ATP2A3: variants seen among roughly 807,000 people sequenced by gnomAD.
ATP2A3 encodes ATPase sarcoplasmic/endoplasmic reticulum Ca2+ transporting 3.
ATP2A3 carries 61 observed loss-of-function variants against 106.8 expected under a neutral mutation model. The ratio of observed to expected loss-of-function variants is 0.57; its 90% CI spans 0.46 to 0.71. ATP2A3 has a LOEUF of 0.71. ATP2A3 is among the 30% of genes least tolerant of loss of function. ATP2A3 has a pLI of 0.00. For synonymous variants in ATP2A3, 611 were observed against 609.3 expected, an observed-to-expected ratio of 1.00 and a Z score of -0.04; for missense variants, 1,201 against 1,423.5, an observed-to-expected ratio of 0.84 and a Z score of 2.52.
chr17:3,939,136 C>G (rs903210570), intron 14 of ATP2A3, among the ~76,000 whole-genome samples: 1 of 152,000 alleles, frequency 6.6e-6, no homozygotes, highest in African/African-American at 2.4e-5. Context: ...CACTGCATTC[C>G]AGCCTGGGCA....
chr17:3,950,739 G>A lies in ATP2A3; in HGVS notation c.498C>T (p.Ile166=), dbSNP rs549656516. The part of the protein sequence containing the change: ...GDKVPADLRL[I]EIKSTTLRVD... Reference sequence around the variant, plus strand: ...CTCGCAGCGTGGTGGACTTGATCTCGATGAGGCGGAGGTCAGCAGGCACTT... The same window carrying A: ...CTCGCAGCGTGGTGGACTTGATCTCAATGAGGCGGAGGTCAGCAGGCACTT... Residue 166 remains isoleucine (I), a synonymous_variant, in exon 6 of 21, where the codon ATC becomes ATT. Coordinates refer to ENST00000397041, the MANE Select transcript of ATP2A3 (RefSeq NM_005173.4). The A allele has an allele frequency of 4.5e-4, 720 of 1,613,846 alleles. 9 individuals carry two copies. The South Asian group carries it at 7.1e-3, about 16-fold the overall frequency.
chr17:3,926,943 TC>T lies in ATP2A3; in HGVS notation c.2981-1503del. On this transcript the variant is annotated intron_variant, in intron 20 of 20. Transcript: ENST00000397041. This position sits in a 1 kb window ranked among gnomAD's most constrained non-coding sequence, Gnocchi z 4.6. ...ACCGTGCTTACACTCCTCCCGTGCT[TC>T]CCCACTGCCCTGAGGACAATGTCCA... 1 of 985,438 alleles carries T rather than the reference TC, an allele frequency of 1.0e-6. No homozygotes were observed. Among genetic ancestry groups the T allele is most frequent in the Non-Finnish European group, 1.2e-6 (1 of 829,928 alleles). The allele number at this position is 985,438 out of a possible 1,614,324, so 61.0% of individuals were successfully genotyped here.
chr17:3,943,283 A>C (rs553799008), intron 11 of ATP2A3, 108 bp downstream of exon 11: 1,479 of 1,526,576 alleles, frequency 9.7e-4, no homozygotes, highest in Non-Finnish European at 1.2e-3. Context: ...AAAAAAAAAA[A>C]AAACAAAACG....
In ATP2A3 at chr17:3,935,325, T is replaced by C. The variant is rs1256938229; in HGVS notation, c.2525-48A>G. On this transcript the variant is annotated intron_variant, in intron 16 of 20. Transcript: ENST00000397041. The stretch of plus-strand genomic sequence containing the variant: ...GCTGTAGAGAATGGCGGTGGTTTTC[T>C]GGCGTCTGTTTCCCCTGCCTAATAA... 5 of 1,555,074 alleles carry C rather than the reference T, an allele frequency of 3.2e-6. No homozygotes were observed. The Admixed American group carries it at 5.0e-5, about 16-fold the overall frequency.
At chr17:3,956,016 G>T (rs1431169850) in intron 1 of ATP2A3, among the ~76,000 whole-genome samples, 4 of 152,062 alleles carry the variant, frequency 2.6e-5, no homozygotes, top group Admixed American at 2.6e-4. Flanking sequence ...CGGGTAGCTG[G>T]AATTACCGGT....
intron 1 of ATP2A3, among the ~76,000 whole-genome samples, chr17:3,954,789 A>G (rs1012285186): frequency 6.6e-6 from 1 of 152,148 alleles, no homozygotes; most frequent in African/African-American, 2.4e-5. Context: ...GCCACCGCCC[A>G]GGCCTAGGTG....
At chr17:3,927,260 G>A in intron 20 of ATP2A3, 1 of 985,488 alleles carries the variant, frequency 1.0e-6, no homozygotes, top group Non-Finnish European at 1.2e-6. Flanking sequence ...AAAGGCATCT[G>A]AGACACAGGC....
In ATP2A3 at chr17:3,929,251, G is replaced by T; in HGVS notation, c.2862+77C>A. On this transcript the variant is annotated intron_variant, in intron 19 of 20. Coordinates refer to ENST00000397041, the MANE Select transcript of ATP2A3 (RefSeq NM_005173.4). The surrounding 1 kb of genome is among the most constrained non-coding windows in gnomAD (Gnocchi z 4.3). The stretch of plus-strand genomic sequence containing the variant: ...TCCAGGTAGTTTCCATTGCAGGGGG[G>T]CCAGAGAGGTCCAGTGACCAGCCCA... 1 of 1,325,314 alleles carries T rather than the reference G, an allele frequency of 7.5e-7. No homozygotes were observed. Among genetic ancestry groups the T allele is most frequent in the Non-Finnish European group, 1.1e-6 (1 of 952,116 alleles). 82.1% of individuals were successfully genotyped at this position (1,325,314 alleles called of 1,614,324 possible).
rs2054555564 is a variant in ATP2A3 at position 3,953,212 on chromosome 17, G to A, written c.219+135C>T. On this transcript the variant is annotated intron_variant, in intron 3 of 20. Coordinates refer to ENST00000397041, the MANE Select transcript of ATP2A3 (RefSeq NM_005173.4). This position sits in a 1 kb window ranked among gnomAD's most constrained non-coding sequence, Gnocchi z 5.1. ...GGAAGCTGAAGTCTGAGCAGGGCAGGGCCAGGGAAGGCCAGGGCGCAGGCC... is the reference window on the plus strand; with the variant it reads ...GGAAGCTGAAGTCTGAGCAGGGCAGAGCCAGGGAAGGCCAGGGCGCAGGCC... The A allele has an allele frequency of 6.0e-6, 6 of 1,005,544 alleles. No homozygotes were observed. The highest frequency in any genetic ancestry group is 2.6e-5 in the South Asian group (2 of 77,572). 62.3% of individuals were successfully genotyped at this position (1,005,544 alleles called of 1,614,324 possible).
At position 3,955,881 on chromosome 17, in the gene ATP2A3, TA is replaced by T. The variant is rs2054743823; in HGVS notation, c.119-2172del. Among the ~76,000 whole-genome samples the T allele has an allele frequency of 1.4e-5, 2 of 144,888 alleles. No homozygotes were observed. Among genetic ancestry groups the T allele is most frequent in the African/African-American group, 5.0e-5 (2 of 39,646 alleles). ...AGTTCTCCTTTCTCTTATTTTATTTTATTTTATTTTTTTTTTTTGAGATGGA... is the reference window on the plus strand; with the variant it reads ...AGTTCTCCTTTCTCTTATTTTATTTTTTTTATTTTTTTTTTTTGAGATGGA... On this transcript the variant is annotated intron_variant, in intron 1 of 20. Transcript: ENST00000397041. The surrounding 1 kb of genome is among the most constrained non-coding windows in gnomAD (Gnocchi z 4.2).
Position 3,940,908 on chromosome 17 carries a change from C to T in ATP2A3, c.2100+63G>A, listed in dbSNP as rs560181416. The T allele has an allele frequency of 4.9e-4, 772 of 1,573,080 alleles. 9 individuals carry two copies. In the South Asian group the frequency reaches 8.1e-3, roughly 17 times the overall value. On this transcript the variant is annotated intron_variant, in intron 14 of 20. Transcript: ENST00000397041. ...GCAGAGGGGAGAGTTGCACGGCTTGCTCTTTTCACACCCCGTGGCCCCACT... is the reference window on the plus strand; with the variant it reads ...GCAGAGGGGAGAGTTGCACGGCTTGTTCTTTTCACACCCCGTGGCCCCACT...
chr17:3,964,401 C>A lies in ATP2A3; in HGVS notation c.-110G>T, dbSNP rs1256309498. The A allele has an allele frequency of 1.8e-5, 9 of 506,290 alleles. No individual in the cohort carries two copies. The highest frequency in any genetic ancestry group is 2.1e-5 in the Non-Finnish European group (8 of 377,346). The allele number at this position is 506,290 out of a possible 1,614,324, so 31.4% of individuals were successfully genotyped here. A position where few individuals can be genotyped will look rare whatever the true frequency, so the allele number is the denominator to read the frequency against. On this transcript the variant is annotated 5_prime_UTR_variant, in exon 1 of 21. Transcript: ENST00000397041. ...GGGCCCGGGCGGGCGCCGCGCGAGG[C>A]CATGTCCGTGCTGGGACCTTACCCG...
chr17:3,928,887 C>T lies in ATP2A3; in HGVS notation c.2863-107G>A, dbSNP rs1274015333. On this transcript the variant is annotated intron_variant, in intron 19 of 20. Transcript: ENST00000397041. The surrounding 1 kb of genome is among the most constrained non-coding windows in gnomAD (Gnocchi z 6.1). ...TGGGCTCTGATGGACTCTTCATGAG[C>T]GCTCCTAAGAACCCCCTGGATGCAC... The T allele has an allele frequency of 7.0e-6, 6 of 851,974 alleles. No homozygotes were observed. The highest frequency in any genetic ancestry group is 2.2e-4 in the Middle Eastern group (1 of 4,490). 52.8% of individuals were successfully genotyped at this position (851,974 alleles called of 1,614,324 possible).
In ATP2A3 at chr17:3,951,395, G is replaced by C; in HGVS notation, c.325-6C>G. The C allele has an allele frequency of 1.2e-6, 2 of 1,613,652 alleles. No homozygotes were observed. The highest frequency in any genetic ancestry group is 4.5e-5 in the East Asian group (2 of 44,858). On this transcript the variant is annotated splice_polypyrimidine_tract_variant and splice_region_variant and intron_variant, in intron 4 of 20. Coordinates refer to ENST00000397041, the MANE Select transcript of ATP2A3 (RefSeq NM_005173.4). Reference sequence around the variant, plus strand: ...GCACTCTCGGCGTTGCGTTCCTGCAGAATAGAAGGCCGGCAGGCAGTCTGT... The same window carrying C: ...GCACTCTCGGCGTTGCGTTCCTGCACAATAGAAGGCCGGCAGGCAGTCTGT...
intron 14 of ATP2A3, among the ~76,000 whole-genome samples, chr17:3,939,299 G>A (rs1023278729): frequency 6.6e-6 from 1 of 152,018 alleles, no homozygotes; most frequent in African/African-American, 2.4e-5. Context: ...ATCAAGGCTG[G>A]GCCATGGGTC....
In ATP2A3 at chr17:3,924,681, G is replaced by A. The variant is rs1013142357; in HGVS notation, c.*741C>T. On this transcript the variant is annotated 3_prime_UTR_variant, in exon 21 of 21. Coordinates refer to ENST00000397041, the MANE Select transcript of ATP2A3 (RefSeq NM_005173.4). The surrounding 1 kb of genome is among the most constrained non-coding windows in gnomAD (Gnocchi z 6.4). Reference sequence around the variant, plus strand: ...ACGGGGAACCCTGAGTCCAGGAGGCGCGCGGGGCTGAGGCAGTCCAGCCAG... The same window carrying A: ...ACGGGGAACCCTGAGTCCAGGAGGCACGCGGGGCTGAGGCAGTCCAGCCAG... 4.5e-5 allele frequency: 19 copies of A among 421,838 alleles called. 1 individual carries two copies. Among genetic ancestry groups the A allele is most frequent in the Non-Finnish European group, 7.7e-5 (16 of 208,988 alleles). 26.1% of individuals were successfully genotyped at this position (421,838 alleles called of 1,614,324 possible).
chr17:3,957,811 TGA>T, intron 1 of ATP2A3, among the ~76,000 whole-genome samples: 1 of 152,344 alleles, frequency 6.6e-6, no homozygotes, highest in African/African-American at 2.4e-5. Context: ...ATCTGTTAAA[TGA>T]GAGAGTGCCC....
chr17:3,961,135 T>C (rs1230722662), intron 1 of ATP2A3, among the ~76,000 whole-genome samples: 1 of 152,210 alleles, frequency 6.6e-6, no homozygotes, highest in African/African-American at 2.4e-5. Context: ...CAGCTCCAGA[T>C]GTGTATATGC....
chr17:3,951,416 T>C (rs1171618075), intron 4 of ATP2A3, 27 bp from the exon 5 acceptor site: 2 of 1,613,336 alleles, frequency 1.2e-6, no homozygotes, highest in Non-Finnish European at 8.5e-7. Context: ...CGGCAGGCAG[T>C]CTGTCCCTGC....
Sources: allele counts gnomAD v4.1 joint callset (sites outside exome capture counted in the v4.1 genomes callset), GRCh38; gene constraint gnomAD v4.1.1; non-coding constraint Gnocchi (gnomAD v3.1); transcripts MANE v1.5; gene names NCBI Gene and HGNC (gene_info 2026-07-23, HGNC 2026-07-21).